Variants in C19orf44 observed in about 807,000 individuals in gnomAD.
C19orf44 encodes uncharacterized protein C19orf44.
C19orf44 carries 43 observed loss-of-function variants against 50.7 expected under a neutral mutation model. The ratio of observed to expected loss-of-function variants is 0.85; its 90% CI spans 0.66 to 1.09. The LOEUF is 1.09. Among genes scored for constraint, C19orf44 ranks in the 50% least tolerant of loss-of-function variants. The pLI, the probability that C19orf44 is intolerant of heterozygous loss-of-function variation, is 0.00. For synonymous variants in C19orf44, 298 were observed against 334.7 expected, an observed-to-expected ratio of 0.89 and a Z score of 1.20; for missense variants, 722 against 836.2, an observed-to-expected ratio of 0.86 and a Z score of 1.68.
chr19:16,506,920 G>A (rs555741110), intron 4 of C19orf44, 146 bp downstream of exon 4: 42 of 594,494 alleles, frequency 7.1e-5, no homozygotes, highest in African/African-American at 1.3e-4. Flanking sequence ...CAATCCTCCC[G>A]ATTCAGCCTC....
intron 7 of C19orf44, among the ~76,000 whole-genome samples, chr19:16,515,746 A>G (rs2093469693): frequency 6.6e-6 from 1 of 151,160 alleles, no homozygotes. Flanking sequence ...GTATTTCTTT[A>G]TAGAAATGGC....
At chr19:16,518,655 G>A (rs1420974302) in intron 8 of C19orf44, 8 of 154,070 alleles carry the variant, frequency 5.2e-5, no homozygotes, top group Admixed American at 6.5e-5. Flanking sequence ...CAATCCGCGG[G>A]CAGTCATGGC....
At chr19:16,516,803 G>A (rs1467354246) in intron 7 of C19orf44, among the ~76,000 whole-genome samples, 3 of 152,208 alleles carry the variant, frequency 2.0e-5, no homozygotes, top group South Asian at 2.1e-4. Context: ...GAGTCCCACG[G>A]GTCTCTACAA....
At chr19:16,505,466 G>C (rs902209184) in intron 3 of C19orf44, among the ~76,000 whole-genome samples, 1 of 143,040 alleles carries the variant, frequency 7.0e-6, no homozygotes, top group Non-Finnish European at 1.5e-5. Flanking sequence ...CACCTGCCTC[G>C]GCCTCCCAAA....
chr19:16,500,273 G>T (rs148735078), intron 1 of C19orf44, among the ~76,000 whole-genome samples: 1 of 151,922 alleles, frequency 6.6e-6, no homozygotes, highest in Non-Finnish European at 1.5e-5. Flanking sequence ...TTTTCTGGGG[G>T]CTTGTTAAAT....
Position 16,514,610 on chromosome 19 carries a change from C to T in C19orf44, c.1849C>T (p.Arg617Cys), listed in dbSNP as rs761087581. ...CCGGCACCTGCACGCCTCCCTCCTG[C>T]GCTCCCTGGACGCGGACTCCTTCCA... ...ASRHLHASLL[R>C]SLDADSFHYH... The change falls in exon 7 of 9, where the codon CGC becomes TGC. Residue 617 changes from arginine (R) to cysteine (C), a missense_variant. Coordinates refer to ENST00000221671, the MANE Select transcript of C19orf44 (RefSeq NM_032207.4). 24 of 1,600,324 alleles carry T rather than the reference C, an allele frequency of 1.5e-5. No homozygotes were observed. In the East Asian group the frequency reaches 2.3e-4, roughly 15 times the overall value.
Position 16,520,947 on chromosome 19 carries a change from A to T in C19orf44, c.*894A>T, listed in dbSNP as rs901298668. 32 of 1,563,356 alleles carry T rather than the reference A, an allele frequency of 2.0e-5. No individual in the cohort carries two copies. Among genetic ancestry groups the T allele is most frequent in the Non-Finnish European group, 2.8e-5 (32 of 1,135,068 alleles). ...ACGGCATTCCGTGTGTGACCACGTG[A>T]CACCCACCCACAAGGAAGTCGTGAA... On this transcript the variant is annotated 3_prime_UTR_variant, in exon 9 of 9. Coordinates refer to ENST00000221671, the MANE Select transcript of C19orf44 (RefSeq NM_032207.4). This position sits in a 1 kb window ranked among gnomAD's most constrained non-coding sequence, Gnocchi z 4.0.
At position 16,519,343 on chromosome 19, in the gene C19orf44, C is replaced by G; in HGVS notation, c.*41-751C>G. The G allele has an allele frequency of 6.2e-7, 1 of 1,610,932 alleles. No homozygotes were observed. Among genetic ancestry groups the G allele is most frequent in the Non-Finnish European group, 8.5e-7 (1 of 1,179,376 alleles). ...CTCCTTCGCACCGAGGCCGCCTGAG[C>G]CGCTCCAGCCTGGAAACAGAGACGC... On this transcript the variant is annotated intron_variant, in intron 8 of 8. Coordinates refer to ENST00000221671, the MANE Select transcript of C19orf44 (RefSeq NM_032207.4). The surrounding 1 kb of genome is among the most constrained non-coding windows in gnomAD (Gnocchi z 6.0).
At chr19:16,503,878 C>T (rs559323735) in intron 3 of C19orf44, among the ~76,000 whole-genome samples, 166 of 152,236 alleles carry the variant, frequency 1.1e-3, no homozygotes, top group Non-Finnish European at 2.0e-3. Context: ...CAACTCATCT[C>T]TTGAGTCAAT....
At chr19:16,506,849 AT>A in intron 4 of C19orf44, 75 bp downstream of exon 4, 1 of 1,155,122 alleles carries the variant, frequency 8.7e-7, no homozygotes, top group Non-Finnish European at 1.2e-6. Context: ...TTTTTAAAAA[AT>A]TTAAAAATTG....
intron 1 of C19orf44, among the ~76,000 whole-genome samples, chr19:16,498,887 G>C (rs2093417255): frequency 6.6e-6 from 1 of 150,650 alleles, no homozygotes; most frequent in East Asian, 2.0e-4. Context: ...AGCCAGGATG[G>C]TCTCTATCTC....
At chr19:16,510,779 A>G (rs992897062) in intron 5 of C19orf44, among the ~76,000 whole-genome samples, 5 of 152,010 alleles carry the variant, frequency 3.3e-5, no homozygotes, top group African/African-American at 1.2e-4. Flanking sequence ...TATGTTGCCC[A>G]AGCTGGAGTA....
At chr19:16,498,526 C>T (rs1449302287) in intron 1 of C19orf44, among the ~76,000 whole-genome samples, 1 of 152,116 alleles carries the variant, frequency 6.6e-6, no homozygotes, top group African/African-American at 2.4e-5. Context: ...TCAAACAGTC[C>T]TCCCATCCTG....
In C19orf44 at chr19:16,498,525, C is replaced by CCT. The variant is rs954255464; in HGVS notation, c.-2+2062_-2+2063dup. Among the ~76,000 whole-genome samples the CCT allele has an allele frequency of 3.3e-5, 5 of 152,286 alleles. No homozygotes were observed. In the South Asian group the frequency reaches 8.3e-4, roughly 25 times the overall value. On this transcript the variant is annotated intron_variant, in intron 1 of 8. Coordinates refer to ENST00000221671, the MANE Select transcript of C19orf44 (RefSeq NM_032207.4). ...TCTCGAACTCATGGGTTCAAACAGT[C>CCT]CTCCCATCCTGGCCTCCCACAGTGC...
At chr19:16,517,398 G>A in intron 8 of C19orf44, 57 bp downstream of exon 8, 2 of 1,256,234 alleles carry the variant, frequency 1.6e-6, no homozygotes, top group Non-Finnish European at 2.3e-6. Flanking sequence ...GAGCTCATCA[G>A]TGTCCAAGTG....
chr19:16,510,301 G>A, intron 5 of C19orf44: 1 of 375,018 alleles, frequency 2.7e-6, no homozygotes, highest in Non-Finnish European at 5.1e-6. Context: ...CAGCTACTCA[G>A]GAAGCTGAGG....
At position 16,503,163 on chromosome 19, in the gene C19orf44, C is replaced by T. The variant is rs549936231; in HGVS notation, c.858C>T (p.Asp286=). The T allele has an allele frequency of 1.2e-6, 2 of 1,614,178 alleles. No homozygotes were observed. The highest frequency in any genetic ancestry group is 2.2e-5 in the South Asian group (2 of 91,086). Residue 286 remains aspartate, a synonymous_variant, in exon 3 of 9, where the codon GAC becomes GAT. Transcript: ENST00000221671. ...ACCTGCCAACCTCCCTGGCAGCAGA[C>T]AGAACCCTTCACAGCACTCGCTCAA... ...TSHLPTSLAA[D]RTLHSTRSRA...
At chr19:16,510,066 C>T (rs750562390) in intron 5 of C19orf44, 78 bp downstream of exon 5, 50 of 1,600,994 alleles carry the variant, frequency 3.1e-5, no homozygotes, top group Admixed American at 5.0e-5. Flanking sequence ...CTGGGAGACA[C>T]GTGGGAGAGC....
intron 4 of C19orf44, among the ~76,000 whole-genome samples, chr19:16,508,808 C>A (rs1218308224): frequency 2.0e-5 from 3 of 149,316 alleles, no homozygotes; most frequent in Non-Finnish European, 3.0e-5. Context: ...CCTAACATTT[C>A]ATCAGTCCAT....
Sources: gnomAD v4.1 joint callset for allele counts (sites outside exome capture counted in the v4.1 genomes callset) on GRCh38, gnomAD v4.1.1 for gene constraint, Gnocchi (gnomAD v3.1) non-coding constraint, MANE v1.5 for transcripts, NCBI Gene and HGNC (gene_info 2026-07-23, HGNC 2026-07-21) for gene names.